Variants in MBNL2 observed in about 807,000 individuals in gnomAD.
MBNL2 encodes the protein muscleblind-like protein 2.
In MBNL2, 17 loss-of-function variants were observed where a neutral mutation model predicts 41.9. The observed-to-expected ratio is 0.41, with a 90% CI of 0.28 to 0.61. The LOEUF is 0.61. MBNL2 is among the 20% of genes least tolerant of loss of function. The pLI is 0.35. For synonymous variants in MBNL2, 195 were observed against 182.9 expected (o/e 1.07, Z -0.53); for missense variants, 336 against 505.6 (o/e 0.66, Z 3.22).
chr13:97,168,926 A>G, the MBNL2 span, among the ~76,000 whole-genome samples: 2 of 152,182 alleles, frequency 1.3e-5, no homozygotes, highest in Admixed American at 1.3e-4. Context: ...TCACCATGTT[A>G]CATAGGAGGT....
chr13:97,382,164 A>C (rs1282402480), intron 8 of MBNL2, among the ~76,000 whole-genome samples: 1 of 152,234 alleles, frequency 6.6e-6, no homozygotes, highest in East Asian at 1.9e-4. Flanking sequence ...GTACACATAC[A>C]GTCCCTAATT....
intron 8 of MBNL2, among the ~76,000 whole-genome samples, chr13:97,384,713 G>A (rs1160718683): frequency 6.6e-6 from 1 of 152,138 alleles, no homozygotes; most frequent in East Asian, 1.9e-4. Flanking sequence ...CCAATTAATT[G>A]CCTATTTTTA....
Position 97,366,179 on chromosome 13 carries a change from T to C in MBNL2, c.1048+1008T>C, listed in dbSNP as rs937973841. Among the ~76,000 whole-genome samples, 2 of 152,220 alleles carry C rather than the reference T, an allele frequency of 1.3e-5. No individual in the cohort carries two copies. Among genetic ancestry groups the C allele is most frequent in the Admixed American group, 6.5e-5 (1 of 15,284 alleles). Reference sequence around the variant, plus strand: ...TTGGGAATGGATCTATTGTTAGAAATAAAATGTTTATAAATACATCAACCA... The same window carrying C: ...TTGGGAATGGATCTATTGTTAGAAACAAAATGTTTATAAATACATCAACCA... On this transcript the variant is annotated intron_variant, in intron 8 of 8. Transcript: ENST00000679496. The surrounding 1 kb of genome is among the most constrained non-coding windows in gnomAD (Gnocchi z 4.7).
At chr13:97,262,774 ATT>A (rs774881151) in intron 1 of MBNL2, among the ~76,000 whole-genome samples, 1 of 150,518 alleles carries the variant, frequency 6.6e-6, no homozygotes, top group Non-Finnish European at 1.5e-5. Context: ...TTTTTTAATA[ATT>A]TTTTTTGAGA....
At chr13:97,332,110 T>C (rs1470401843) in intron 2 of MBNL2, among the ~76,000 whole-genome samples, 1 of 152,206 alleles carries the variant, frequency 6.6e-6, no homozygotes, top group Admixed American at 6.5e-5. Flanking sequence ...GGAATTCTGC[T>C]TTCCCAAGTC....
chr13:97,292,128 G>A (rs1370866416), intron 2 of MBNL2, among the ~76,000 whole-genome samples: 4 of 147,938 alleles, frequency 2.7e-5, no homozygotes, highest in African/African-American at 1.0e-4. Context: ...GTGAACCCGG[G>A]ACGCGGAGCT....
intron 8 of MBNL2, among the ~76,000 whole-genome samples, chr13:97,375,485 G>C (rs916262059): frequency 1.3e-5 from 2 of 152,292 alleles, no homozygotes; most frequent in Non-Finnish European, 2.9e-5. Context: ...GGACAGGTGA[G>C]GTTATTCCTG....
At position 97,357,634 on chromosome 13, in the gene MBNL2, A is replaced by G. The variant is rs1448473976; in HGVS notation, c.1011A>G (p.Thr337=). 6.2e-7 allele frequency: 1 copy of G among 1,613,808 alleles called. No homozygotes were observed. Among genetic ancestry groups the G allele is most frequent in the Non-Finnish European group, 8.5e-7 (1 of 1,179,904 alleles). ...QLQQHAAFIP[T]GSVLCMTPAT... ...AGCAACACGCCGCGTTCATTCCAAC[A>G]GGTATGTGCCCTTACTGCCCTACGT... The change falls in exon 7 of 9, where the codon ACA becomes ACG. Residue 337 remains threonine (T), a splice_region_variant and synonymous_variant. Coordinates refer to ENST00000679496, the MANE Select transcript of MBNL2 (RefSeq NM_001382683.1).
chr13:97,209,867 C>T, the MBNL2 span, among the ~76,000 whole-genome samples: 3 of 152,348 alleles, frequency 2.0e-5, no homozygotes, highest in African/African-American at 2.4e-5. Context: ...ACGATCTCAG[C>T]TCATTGCAAC....
chr13:97,218,436 AAAAC>A (rs762731020), upstream of MBNL2, among the ~76,000 whole-genome samples: 18 of 108,190 alleles, frequency 1.7e-4, no homozygotes, highest in Admixed American at 2.6e-4. Context: ...AAAACAAAAC[AAAAC>A]AAAAAAAAAA....
At chr13:97,153,811 C>T in the MBNL2 span, among the ~76,000 whole-genome samples, 3 of 152,084 alleles carry the variant, frequency 2.0e-5, no homozygotes, top group Admixed American at 6.6e-5. Context: ...TCTACTTTAC[C>T]AAGAGACTTC....
intron 2 of MBNL2, among the ~76,000 whole-genome samples, chr13:97,311,562 A>G (rs1362966724): frequency 6.6e-6 from 1 of 152,254 alleles, no homozygotes; most frequent in Non-Finnish European, 1.5e-5. Flanking sequence ...AAAAGAAAAG[A>G]GATTTCATAA....
chr13:97,182,891 G>A, the MBNL2 span, among the ~76,000 whole-genome samples: 1 of 152,148 alleles, frequency 6.6e-6, no homozygotes, highest in Non-Finnish European at 1.5e-5. Context: ...GATCTTGGGG[G>A]AAAGGGGAAG....
intron 1 of MBNL2, 43 bp downstream of exon 1, chr13:97,222,574 C>T (rs1333817682): frequency 2.8e-5 from 11 of 396,774 alleles, no homozygotes; most frequent in Admixed American, 4.4e-5. Context: ...AAAGAGTTTG[C>T]TGCAGTATGC....
At chr13:97,215,239 T>C in the MBNL2 span, among the ~76,000 whole-genome samples, 1 of 152,194 alleles carries the variant, frequency 6.6e-6, no homozygotes, top group Non-Finnish European at 1.5e-5. Context: ...ACAGTTAACA[T>C]TGGCCAAACT....
chr13:97,248,937 A>AGCCATT (rs1172153178), intron 1 of MBNL2, among the ~76,000 whole-genome samples: 15 of 152,336 alleles, frequency 9.8e-5, no homozygotes, highest in Admixed American at 4.6e-4. Context: ...ACAATTTGCA[A>AGCCATT]GCCATTGTCA....
the MBNL2 span, among the ~76,000 whole-genome samples, chr13:97,142,479 T>C: frequency 1.3e-5 from 2 of 152,248 alleles, no homozygotes; most frequent in East Asian, 3.8e-4. Context: ...ACTCGATAGT[T>C]CTTAGGTCTT....
rs147303403 is a variant in MBNL2 at position 97,277,003 on chromosome 13, A to G, written c.174+594A>G. The stretch of plus-strand genomic sequence containing the variant: ...TTGATGAGCTTACTGTCTGGCAGGG[A>G]CAATTCAGCATATCAGCAAGTATCT... On this transcript the variant is annotated intron_variant, in intron 2 of 8. Coordinates refer to ENST00000679496, the MANE Select transcript of MBNL2 (RefSeq NM_001382683.1). 3.2e-3 allele frequency among the ~76,000 whole-genome samples: 482 copies of G among 152,302 alleles called. 3 individuals carry two copies. Among genetic ancestry groups the G allele is most frequent in the African/African-American group, 0.011 (458 of 41,570 alleles).
intron 2 of MBNL2, among the ~76,000 whole-genome samples, chr13:97,300,563 C>A (rs75111309): frequency 6.6e-6 from 1 of 152,078 alleles, no homozygotes; most frequent in African/African-American, 2.4e-5. Context: ...GGAGCTCAGG[C>A]GGTAATGCTT....
Sources: allele counts gnomAD v4.1 joint callset (sites outside exome capture counted in the v4.1 genomes callset), GRCh38; gene constraint gnomAD v4.1.1; non-coding constraint Gnocchi (gnomAD v3.1); transcripts MANE v1.5; gene names NCBI Gene and HGNC (gene_info 2026-07-23, HGNC 2026-07-21).